Variants in PTPRD observed in about 807,000 individuals in gnomAD.
PTPRD encodes protein tyrosine phosphatase receptor type D, also known as receptor-type tyrosine-protein phosphatase delta.
Under a neutral mutation model 214.5 loss-of-function variants are expected in PTPRD, and 34 were observed. That is an observed-to-expected ratio of 0.16 (90% confidence interval 0.12 to 0.21). PTPRD has a LOEUF of 0.21. Ranked by LOEUF, PTPRD falls within the 10% of genes least tolerant of loss-of-function variation. The pLI is 1.00. For missense variants in PTPRD, 2,545 were observed against 2,398.7 expected, an observed-to-expected ratio of 1.06 and a Z score of -1.27; for synonymous variants, 1,128 against 845.7, an observed-to-expected ratio of 1.33 and a Z score of -5.79.
intron 12 of PTPRD, among the ~76,000 whole-genome samples, chr9:8,696,565 G>A (rs921885931): frequency 3.8e-4 from 58 of 152,178 alleles, no homozygotes; most frequent in African/African-American, 1.4e-3. Flanking sequence ...GTCAGGAAAG[G>A]CATCACAGAA....
At chr9:9,066,143 T>A (rs1590915842) in intron 10 of PTPRD, among the ~76,000 whole-genome samples, 1 of 152,162 alleles carries the variant, frequency 6.6e-6, no homozygotes, top group Non-Finnish European at 1.5e-5. Context: ...ATTTCTTTTG[T>A]ATGTGTACTA....
intron 10 of PTPRD, among the ~76,000 whole-genome samples, chr9:9,069,561 C>T (rs186313572): frequency 6.0e-4 from 92 of 152,294 alleles, no homozygotes; most frequent in South Asian, 4.8e-3. Flanking sequence ...CAGTAACAAC[C>T]TTAGATTGCT....
intron 5 of PTPRD, among the ~76,000 whole-genome samples, chr9:9,864,097 G>A (rs1404937610): frequency 1.3e-5 from 2 of 152,130 alleles, no homozygotes; most frequent in East Asian, 1.9e-4. Flanking sequence ...TTGAGGTCAG[G>A]AGTTTGAGAC....
intron 11 of PTPRD, among the ~76,000 whole-genome samples, chr9:8,989,752 T>A (rs975447069): frequency 6.6e-6 from 1 of 152,162 alleles, no homozygotes; most frequent in Non-Finnish European, 1.5e-5. Context: ...TTCTTACTTA[T>A]GTCTTTATTT....
chr9:9,606,344 A>G (rs1433541465), intron 7 of PTPRD, among the ~76,000 whole-genome samples: 2 of 152,074 alleles, frequency 1.3e-5, no homozygotes, highest in Non-Finnish European at 2.9e-5. Context: ...CATTATAATT[A>G]GCTTGGTCTT....
intron 2 of PTPRD, among the ~76,000 whole-genome samples, chr9:10,432,728 T>C (rs191833490): frequency 7.8e-4 from 118 of 152,136 alleles, no homozygotes; most frequent in African/African-American, 2.4e-3. Context: ...TTTATAATGC[T>C]ATATGAGGTT....
chr9:8,802,748 C>T (rs1301256156), intron 11 of PTPRD, among the ~76,000 whole-genome samples: 1 of 152,158 alleles, frequency 6.6e-6, no homozygotes, highest in African/African-American at 2.4e-5. Flanking sequence ...CTTCCAATTG[C>T]CTCATCTTTA....
At chr9:8,727,642 TTTTGTTTGTTTG>T (rs139992060) in intron 12 of PTPRD, among the ~76,000 whole-genome samples, 12 of 151,400 alleles carry the variant, frequency 7.9e-5, no homozygotes, top group East Asian at 1.9e-4. Context: ...TTTAGGTGTT[TTTTGTTTGTTTG>T]TTTGTTTGTT....
At chr9:8,825,477 A>T (rs966513646) in intron 11 of PTPRD, among the ~76,000 whole-genome samples, 2 of 152,154 alleles carry the variant, frequency 1.3e-5, no homozygotes, top group South Asian at 2.1e-4. Flanking sequence ...TATGCTCTAA[A>T]TTTTTTTATA....
intron 7 of PTPRD, among the ~76,000 whole-genome samples, chr9:9,611,132 A>C (rs2094491136): frequency 6.6e-6 from 1 of 152,202 alleles, no homozygotes; most frequent in Admixed American, 6.5e-5. Flanking sequence ...TACATGATGT[A>C]CCATAATTCC....
At chr9:10,244,284 C>T (rs536691734) in intron 3 of PTPRD, among the ~76,000 whole-genome samples, 1 of 152,200 alleles carries the variant, frequency 6.6e-6, no homozygotes, top group East Asian at 1.9e-4. Context: ...TTCAATGCAT[C>T]CTCATTAAAT....
intron 8 of PTPRD, among the ~76,000 whole-genome samples, chr9:9,418,266 T>A (rs2077571019): frequency 6.6e-6 from 1 of 152,046 alleles, no homozygotes; most frequent in Non-Finnish European, 1.5e-5. Context: ...GAAGGCCAAC[T>A]GGGTTTTCTG....
At chr9:9,626,468 A>C (rs1241912932) in intron 7 of PTPRD, among the ~76,000 whole-genome samples, 2 of 152,194 alleles carry the variant, frequency 1.3e-5, no homozygotes, top group Non-Finnish European at 2.9e-5. Flanking sequence ...ACTGGGGGAA[A>C]ATCGATCTCA....
In PTPRD at chr9:9,240,018, A is replaced by T. The variant is rs2099969574; in HGVS notation, c.-202-56655T>A. 2.0e-5 allele frequency among the ~76,000 whole-genome samples: 3 copies of T among 152,132 alleles called. No individual in the cohort carries two copies. The South Asian group carries it at 6.2e-4, about 31-fold the overall frequency. On this transcript the variant is annotated intron_variant, in intron 9 of 45. Coordinates refer to ENST00000381196, the MANE Select transcript of PTPRD (RefSeq NM_002839.4). ...GCTAACACAGATTTGGATTGGTTTC[A>T]ATTTTTCAAAAGAAAAACATAGATT... is the stretch of plus-strand genomic sequence containing the variant.
chr9:10,363,763 A>G (rs2097443362), intron 2 of PTPRD, among the ~76,000 whole-genome samples: 1 of 151,836 alleles, frequency 6.6e-6, no homozygotes, highest in Admixed American at 6.6e-5. Flanking sequence ...GTGACCCCTT[A>G]TGGGTTTTTT....
chr9:8,335,329 T>C (rs1372953801), intron 43 of PTPRD, among the ~76,000 whole-genome samples: 2 of 152,050 alleles, frequency 1.3e-5, no homozygotes, highest in African/African-American at 2.4e-5. Flanking sequence ...GATGCAAGGC[T>C]TGTTCAACAT....
At position 8,684,777 on chromosome 9, in the gene PTPRD, C is replaced by T. The variant is rs147411480; in HGVS notation, c.65-47933G>A. On this transcript the variant is annotated intron_variant, in intron 12 of 45. Coordinates refer to ENST00000381196, the MANE Select transcript of PTPRD (RefSeq NM_002839.4). ...TTTTGATTTTAAGGGTTACAGATTG[C>T]ACTTTGACAAAAGTGCTTCTACGAA... 7.9e-5 allele frequency among the ~76,000 whole-genome samples: 12 copies of T among 152,210 alleles called. No homozygotes were observed. In the East Asian group the frequency reaches 2.3e-3, roughly 29 times the overall value.
chr9:9,921,584 G>GT (rs2082550621), intron 5 of PTPRD, among the ~76,000 whole-genome samples: 2 of 150,450 alleles, frequency 1.3e-5, no homozygotes, highest in African/African-American at 4.9e-5. Flanking sequence ...TTACATAATA[G>GT]TTTTACTGCT....
intron 10 of PTPRD, among the ~76,000 whole-genome samples, chr9:9,100,094 A>G (rs1470853633): frequency 6.6e-6 from 1 of 152,210 alleles, no homozygotes; most frequent in Non-Finnish European, 1.5e-5. Context: ...AAAAATTCAG[A>G]AAGTAGATTA....
Sources: allele counts gnomAD v4.1 joint callset (sites outside exome capture counted in the v4.1 genomes callset), GRCh38; gene constraint gnomAD v4.1.1; transcripts MANE v1.5; gene names NCBI Gene and HGNC (gene_info 2026-07-23, HGNC 2026-07-21).